SCD: variants seen among roughly 807,000 people sequenced by gnomAD.
SCD encodes stearoyl-CoA desaturase, also known as acyl-CoA desaturase.
A neutral mutation model predicts 35.7 loss-of-function variants in SCD; 4 were observed. That is an observed-to-expected ratio of 0.11 (90% CI 0.06 to 0.26). The LOEUF is 0.26. Ranked by LOEUF, SCD falls within the 10% of genes least tolerant of loss-of-function variation. The probability of loss-of-function intolerance (pLI) is 1.00; values close to 1 mark genes in which losing one functional copy is unlikely to be tolerated. For missense variants in SCD, 282 were observed against 460.7 expected, an observed-to-expected ratio of 0.61 and a Z score of 3.55; for synonymous variants, 150 against 170.2, an observed-to-expected ratio of 0.88 and a Z score of 0.92.
chr10:100,350,121 G>A (rs1423674078), intron 2 of SCD, among the ~76,000 whole-genome samples: 2 of 152,092 alleles, frequency 1.3e-5, no homozygotes, highest in African/African-American at 4.8e-5. Flanking sequence ...CCCTTGGGCA[G>A]ATAAATGTGG....
intron 4 of SCD, 75 bp downstream of exon 4, chr10:100,354,707 G>A (rs1469960280): frequency 1.4e-5 from 16 of 1,142,168 alleles, no homozygotes; most frequent in Non-Finnish European, 2.1e-5. Flanking sequence ...TTTCTCCTGA[G>A]ACTTTCAAAA....
intron 2 of SCD, among the ~76,000 whole-genome samples, chr10:100,349,935 C>T (rs562352603): frequency 6.6e-6 from 1 of 152,232 alleles, no homozygotes; most frequent in East Asian, 1.9e-4. Context: ...GTTTTCTCTC[C>T]TGCAAGCTCC....
chr10:100,350,460 C>T (rs112827523), intron 2 of SCD, among the ~76,000 whole-genome samples: 1,683 of 152,232 alleles, frequency 0.011, 7 homozygotes, highest in Non-Finnish European at 0.019. Flanking sequence ...AGGAGAATGC[C>T]TCTGGCAACA....
intron 1 of SCD, 102 bp downstream of exon 1, chr10:100,347,633 A>ACTTGGTCAT: frequency 7.5e-7 from 1 of 1,337,834 alleles, no homozygotes; most frequent in Admixed American, 2.0e-5. Flanking sequence ...TCCGCGGAGG[A>ACTTGGTCAT]CTTGGTCATC....
intron 2 of SCD, 39 bp downstream of exon 2, chr10:100,348,385 G>T: frequency 1.3e-6 from 2 of 1,583,574 alleles, no homozygotes; most frequent in Middle Eastern, 1.7e-4. Context: ...AGTCCTCCAG[G>T]TACTCACTGC....
chr10:100,358,605 A>AAT (rs1849955250), intron 5 of SCD, among the ~76,000 whole-genome samples: 1 of 150,540 alleles, frequency 6.6e-6, no homozygotes, highest in Admixed American at 6.6e-5. Context: ...TCTCAAAAAA[A>AAT]AAAAAAAAAA....
chr10:100,348,123 G>A lies in SCD; in HGVS notation c.87G>A (p.Gln29=), dbSNP rs1199855161. ...TITAPPSRVL[Q]NGGDKLETMP... ...CAGCGCCTCCCTCCAGGGTCCTGCA[G>A]AATGGAGGAGATAAGTTGGAGACGA... Residue 29 remains glutamine, a synonymous_variant, in exon 2 of 6, where the codon CAG becomes CAA. Transcript: ENST00000370355. 2 of 1,613,742 alleles carry A rather than the reference G, an allele frequency of 1.2e-6. No individual in the cohort carries two copies. The highest frequency in any genetic ancestry group is 2.2e-5 in the South Asian group (2 of 91,068).
In SCD at chr10:100,347,977, C is replaced by T; in HGVS notation, c.28-87C>T. 4 of 1,366,180 alleles carry T rather than the reference C, an allele frequency of 2.9e-6. No individual in the cohort carries two copies. In the South Asian group the frequency reaches 5.1e-5, roughly 18 times the overall value. 84.6% of individuals were successfully genotyped at this position (1,366,180 alleles called of 1,614,324 possible). On this transcript the variant is annotated intron_variant, in intron 1 of 5. Transcript: ENST00000370355. ...TGCGGAAGGGTCCGTACTGTCCACC[C>T]TTCCCCCAGCGTGATTAGAGAGCGG...
At chr10:100,348,877 G>A (rs1385452888) in intron 2 of SCD, among the ~76,000 whole-genome samples, 1 of 152,150 alleles carries the variant, frequency 6.6e-6, no homozygotes, top group Non-Finnish European at 1.5e-5. Flanking sequence ...CTGACCCCTT[G>A]GCCAGACCAG....
intron 2 of SCD, 65 bp downstream of exon 2, chr10:100,348,411 G>C: frequency 1.3e-6 from 2 of 1,494,824 alleles, no homozygotes; most frequent in Non-Finnish European, 1.8e-6. Flanking sequence ...TAATAAGGTA[G>C]GATCTTACAG....
chr10:100,358,166 ATTTTTCTATTTTT>A (rs1391924670), intron 5 of SCD, among the ~76,000 whole-genome samples: 2 of 151,698 alleles, frequency 1.3e-5, no homozygotes, highest in Admixed American at 1.3e-4. Context: ...TGCTTGGCTA[ATTTTTCTATTTTT>A]TTGTAGAGAC....
At position 100,348,209 on chromosome 10, in the gene SCD, C is replaced by G. The variant is rs200198523; in HGVS notation, c.173C>G (p.Thr58Ser). The change falls in exon 2 of 6, where the codon ACC (threonine) becomes AGC (serine). Residue 58 changes from threonine to serine, a missense_variant. Physicochemically the swap from Thr to Ser is moderately conservative, Grantham distance 58. Around this residue, in one of 2 missense-constraint regions of SCD, gnomAD observed 77 missense variants for 88.4 expected, o/e 0.87. Coordinates refer to ENST00000370355, the MANE Select transcript of SCD (RefSeq NM_005063.5). ...ATAAAAGATGATATATATGACCCCACCTACAAGGATAAGGAAGGCCCAAGC... is the reference window on the plus strand; with the variant it reads ...ATAAAAGATGATATATATGACCCCAGCTACAAGGATAAGGAAGGCCCAAGC... ...PDIKDDIYDP[T>S]YKDKEGPSPK... 6.2e-7 allele frequency: 1 copy of G among 1,614,120 alleles called. No homozygotes were observed. Among genetic ancestry groups the G allele is most frequent in the Non-Finnish European group, 8.5e-7 (1 of 1,180,026 alleles).
At chr10:100,347,816 C>G (rs1259871406) in intron 1 of SCD, among the ~76,000 whole-genome samples, 1 of 152,152 alleles carries the variant, frequency 6.6e-6, no homozygotes, top group Non-Finnish European at 1.5e-5. Flanking sequence ...TTTACTTCTC[C>G]TTCCTACTGC....
At position 100,356,581 on chromosome 10, in the gene SCD, G is replaced by A. The variant is rs1849930725; in HGVS notation, c.697G>A (p.Val233Met). 6.2e-7 allele frequency: 1 copy of A among 1,614,038 alleles called. No individual in the cohort carries two copies. The highest frequency in any genetic ancestry group is 8.5e-7 in the Non-Finnish European group (1 of 1,180,014). ...LMMCFILPTL[V>M]PWYFWGETFQ... ...GATGTGCTTCATCCTGCCCACGCTT[G>A]TGCCCTGGTATTTCTGGGGTGAAAC... Residue 233 changes from valine (V) to methionine (M), a missense_variant, in exon 5 of 6, where the codon GTG becomes ATG. Physicochemically the swap from Val to Met is conservative, Grantham distance 21. Around this residue, in one of 2 missense-constraint regions of SCD, gnomAD observed 205 missense variants for 372.3 expected, o/e 0.55. Transcript: ENST00000370355. This position sits in a 1 kb window ranked among gnomAD's most constrained non-coding sequence, Gnocchi z 4.1.
intron 2 of SCD, among the ~76,000 whole-genome samples, chr10:100,351,571 T>C (rs1397752655): frequency 1.3e-5 from 2 of 152,188 alleles, no homozygotes; most frequent in Non-Finnish European, 2.9e-5. Context: ...TAAATGGCCA[T>C]AGTCTGAATG....
At position 100,361,897 on chromosome 10, in the gene SCD, C is replaced by G. The variant is rs2133598816; in HGVS notation, c.*964C>G. 6.6e-6 allele frequency: 1 copy of G among 152,234 alleles called. No individual in the cohort carries two copies. Among genetic ancestry groups the G allele is most frequent in the East Asian group, 1.9e-4 (1 of 5,180 alleles). The allele number at this position is 152,234 out of a possible 1,614,324, so 9.4% of individuals were successfully genotyped here. A position where few individuals can be genotyped will look rare whatever the true frequency, so the allele number is the denominator to read the frequency against. The stretch of plus-strand genomic sequence containing the variant: ...ATTACAGTTCTTTCCTCTTTCTGCT[C>G]TGCCATCTTCAGGATATTGGTTCTT... On this transcript the variant is annotated 3_prime_UTR_variant, in exon 6 of 6. Coordinates refer to ENST00000370355, the MANE Select transcript of SCD (RefSeq NM_005063.5).
chr10:100,358,042 C>T (rs1423293228), intron 5 of SCD, among the ~76,000 whole-genome samples: 1 of 152,088 alleles, frequency 6.6e-6, no homozygotes, highest in Admixed American at 6.6e-5. Context: ...CTCTGTTGCC[C>T]AGGTTTCAGT....
Position 100,347,481 on chromosome 10 carries a change from T to A in SCD, c.-24T>A. On this transcript the variant is annotated 5_prime_UTR_variant, in exon 1 of 6. Transcript: ENST00000370355. ...TCCGGAGCCTCAGCCCCCTGGAAAG[T>A]GATCCCGGCATCCGAGAGCCAAGAT... 2 of 1,613,488 alleles carry A rather than the reference T, an allele frequency of 1.2e-6. No individual in the cohort carries two copies. Among genetic ancestry groups the A allele is most frequent in the Middle Eastern group, 1.7e-4 (1 of 6,008 alleles).
rs1849878951 is a variant in SCD at position 100,352,199 on chromosome 10, A to C, written c.311-167A>C. Among the ~76,000 whole-genome samples, 4 of 151,934 alleles carry C rather than the reference A, an allele frequency of 2.6e-5. No individual in the cohort carries two copies. The highest frequency in any genetic ancestry group is 2.1e-4 in the South Asian group (1 of 4,818). On this transcript the variant is annotated intron_variant, in intron 2 of 5. Transcript: ENST00000370355. The surrounding 1 kb of genome is among the most constrained non-coding windows in gnomAD (Gnocchi z 4.2). ...AGAGGTTGGGGGGTGATATTTTTCA[A>C]GTGGTAAAATCTAAGGGATGTGGTT...
Sources: gnomAD v4.1 joint callset for allele counts (sites outside exome capture counted in the v4.1 genomes callset) on GRCh38, gnomAD v4.1.1 for gene constraint, gnomAD v4.1.1 regional missense constraint, Gnocchi (gnomAD v3.1) non-coding constraint, MANE v1.5 for transcripts, NCBI Gene and HGNC (gene_info 2026-07-23, HGNC 2026-07-21) for gene names.